Variants in ZNF418 observed in about 807,000 individuals in gnomAD.
The protein encoded by ZNF418 is zinc finger protein 418.
ZNF418 carries 32 observed loss-of-function variants against 32.0 expected under a neutral mutation model. That is an observed-to-expected ratio of 1.00 (90% CI 0.75 to 1.34). The LOEUF (loss-of-function observed/expected upper bound fraction) is 1.34. Ranked by LOEUF, ZNF418 falls within the 40% of genes most tolerant of loss-of-function variation. ZNF418 has a pLI of 0.00. For synonymous variants in ZNF418, 276 were observed against 270.7 expected, an observed-to-expected ratio of 1.02 and a Z score of -0.19; for missense variants, 804 against 812.5, an observed-to-expected ratio of 0.99 and a Z score of 0.13.
At chr19:57,928,909 G>C (rs1376087831) in intron 3 of ZNF418, among the ~76,000 whole-genome samples, 1 of 152,118 alleles carries the variant, frequency 6.6e-6, no homozygotes. Flanking sequence ...CAGGAGAATG[G>C]CGTGAACCCA....
intron 2 of ZNF418, chr19:57,932,285 T>C: frequency 1.4e-6 from 1 of 709,220 alleles, no homozygotes; most frequent in South Asian, 1.7e-5. Flanking sequence ...GAAGGGGATT[T>C]GTGCTCAGGC....
At chr19:57,923,511 CAT>C (rs558692873) in intron 4 of ZNF418, among the ~76,000 whole-genome samples, 17 of 139,246 alleles carry the variant, frequency 1.2e-4, no homozygotes, top group African/African-American at 4.0e-4. Context: ...TATACACACA[CAT>C]ATATACATAT....
chr19:57,929,686 CTTT>C (rs71940099), intron 3 of ZNF418, among the ~76,000 whole-genome samples: 2 of 145,408 alleles, frequency 1.4e-5, no homozygotes, highest in Non-Finnish European at 3.0e-5. Context: ...AACAGAATTT[CTTT>C]TTTTTTTTTT....
rs775109234 is a variant in ZNF418, at chr19:57,927,885, T to A, written c.296A>T (p.Asp99Val). The A allele has an allele frequency of 1.2e-6, 2 of 1,614,020 alleles. No individual in the cohort carries two copies. Among genetic ancestry groups the A allele is most frequent in the Non-Finnish European group, 1.7e-6 (2 of 1,180,032 alleles). Reference protein sequence around the residue: ...AILGDILHLADHQGTHHKQKL... With the variant: ...AILGDILHLAVHQGTHHKQKL... Reference sequence around the variant, plus strand: ...CTGCTTGTGATGTGTCCCCTGATGATCTGCCAAGTGCAAAATGTCTCCCAA... The same window carrying A: ...CTGCTTGTGATGTGTCCCCTGATGAACTGCCAAGTGCAAAATGTCTCCCAA... Residue 99 changes from aspartate (D) to valine (V), a missense_variant, in exon 4 of 6, where the codon GAT becomes GTT. Physicochemically the swap from Asp to Val is radical, Grantham distance 152. This residue lies in a region of ZNF418 where 307 missense variants were observed against 304.9 expected (regional missense o/e 1.01). Coordinates refer to ENST00000396147, the MANE Select transcript of ZNF418 (RefSeq NM_133460.3).
At chr19:57,928,702 G>A (rs889497330) in intron 3 of ZNF418, among the ~76,000 whole-genome samples, 3 of 151,736 alleles carry the variant, frequency 2.0e-5, no homozygotes, top group African/African-American at 7.3e-5. Context: ...TTAACAATTT[G>A]CACACACTTG....
chr19:57,934,167 G>A (rs759778663), intron 1 of ZNF418: 3 of 1,224,498 alleles, frequency 2.4e-6, no homozygotes, highest in African/African-American at 1.5e-5. Context: ...TCACAAGCTA[G>A]AGAACATGTG....
chr19:57,923,576 A>G (rs1461163402), intron 4 of ZNF418, among the ~76,000 whole-genome samples: 1 of 150,884 alleles, frequency 6.6e-6, no homozygotes, highest in African/African-American at 2.4e-5. Flanking sequence ...ATATATACAC[A>G]TATATATATA....
At chr19:57,923,668 G>A (rs182518600) in intron 4 of ZNF418, among the ~76,000 whole-genome samples, 14 of 151,794 alleles carry the variant, frequency 9.2e-5, no homozygotes, top group African/African-American at 2.7e-4. Context: ...TCCACCTCCC[G>A]GGTTCACTCC....
Position 57,926,598 on chromosome 19 carries a change from T to A in ZNF418, c.1583A>T (p.His528Leu). The A allele has an allele frequency of 6.2e-7, 1 of 1,614,166 alleles. No homozygotes were observed. Among genetic ancestry groups the A allele is most frequent in the East Asian group, 2.2e-5 (1 of 44,880 alleles). ...SFPQSCSLLR[H>L]RRVHTGERPY... ...CCTTTCTCCAGTATGAACTCTCCGA[T>A]GTCGAAGGAGGGAACAGCTTTGAGG... Residue 528 changes from histidine to leucine, a missense_variant, in exon 4 of 6, where the codon CAT (histidine) becomes CTT (leucine). Transcript: ENST00000396147.
Position 57,927,192 on chromosome 19 carries a change from A to T in ZNF418, c.989T>A (p.Ile330Asn). The change falls in exon 4 of 6, where the codon ATT becomes AAT. Residue 330 changes from isoleucine to asparagine, a missense_variant. This residue lies in a region of ZNF418 where 475 missense variants were observed against 458.6 expected (regional missense o/e 1.04). Coordinates refer to ENST00000396147, the MANE Select transcript of ZNF418 (RefSeq NM_133460.3). ...TCCAGTGTGAACTCGTTGATGTTTAATGAGAGTACCATTTTGACTAAAAGA... is the reference window on the plus strand; with the variant it reads ...TCCAGTGTGAACTCGTTGATGTTTATTGAGAGTACCATTTTGACTAAAAGA... The part of the protein sequence containing the change: ...GKSFSQNGTL[I>N]KHQRVHTGER... 1 of 1,613,204 alleles carries T rather than the reference A, an allele frequency of 6.2e-7. No homozygotes were observed. The highest frequency in any genetic ancestry group is 1.1e-5 in the South Asian group (1 of 91,014).
At chr19:57,932,447 T>C in intron 2 of ZNF418, 1 of 1,535,420 alleles carries the variant, frequency 6.5e-7, no homozygotes, top group Non-Finnish European at 8.7e-7. Flanking sequence ...TTCTCATGGC[T>C]CCCAATAGCA....
intron 3 of ZNF418, among the ~76,000 whole-genome samples, chr19:57,930,209 C>T (rs146353139): frequency 4.4e-4 from 67 of 152,274 alleles, no homozygotes; most frequent in African/African-American, 1.5e-3. Context: ...GACTCTAACT[C>T]CTTCCCTGAG....
At chr19:57,928,638 A>G (rs2072349572) in intron 3 of ZNF418, among the ~76,000 whole-genome samples, 1 of 152,132 alleles carries the variant, frequency 6.6e-6, no homozygotes, top group African/African-American at 2.4e-5. Context: ...ATAGAAGGCT[A>G]TGTCCAGGCC....
chr19:57,923,509 C>CATATAT (rs1568536356), intron 4 of ZNF418, among the ~76,000 whole-genome samples: 3 of 149,006 alleles, frequency 2.0e-5, no homozygotes, highest in East Asian at 1.9e-4. Context: ...TATATACACA[C>CATATAT]ACATATATAC....
Position 57,930,405 on chromosome 19 carries a change from A to T in ZNF418, c.133+23T>A, listed in dbSNP as rs111496336. The T allele has an allele frequency of 2.2e-3, 3,529 of 1,613,942 alleles. 72 individuals carry two copies. The African/African-American group carries it at 0.041, about 19-fold the overall frequency. ...AAGGGCAGAGATCTATTCAGGAAAT[A>T]GGGTAGGGTGTGAGGAACTTACCCA... On this transcript the variant is annotated intron_variant, in intron 3 of 5. Coordinates refer to ENST00000396147, the MANE Select transcript of ZNF418 (RefSeq NM_133460.3).
intron 3 of ZNF418, among the ~76,000 whole-genome samples, chr19:57,929,279 A>T (rs2072383303): frequency 6.6e-6 from 1 of 152,210 alleles, no homozygotes; most frequent in Non-Finnish European, 1.5e-5. Context: ...TTCTGATACG[A>T]TTTGAAGAAA....
At chr19:57,933,743 T>C in intron 2 of ZNF418, 74 bp downstream of exon 2, 1 of 1,588,398 alleles carries the variant, frequency 6.3e-7, no homozygotes, top group South Asian at 1.1e-5. Context: ...AAAATCTAGT[T>C]GCCATTTTAC....
rs2072018487 is a variant in ZNF418 at position 57,922,078 on chromosome 19, C to T, written c.*1177G>A. The T allele has an allele frequency of 6.6e-6, 1 of 152,430 alleles. No homozygotes were observed. Among genetic ancestry groups the T allele is most frequent in the African/African-American group, 2.4e-5 (1 of 41,450 alleles). 9.4% of individuals were successfully genotyped at this position (152,430 alleles called of 1,614,324 possible). Reference sequence around the variant, plus strand: ...GGGGTTCAGAAACCTCCAGGTTGGCCACTCCTGGATTTCTTCGTTTGGAAC... The same window carrying T: ...GGGGTTCAGAAACCTCCAGGTTGGCTACTCCTGGATTTCTTCGTTTGGAAC... On this transcript the variant is annotated 3_prime_UTR_variant, in exon 6 of 6. Coordinates refer to ENST00000396147, the MANE Select transcript of ZNF418 (RefSeq NM_133460.3).
At chr19:57,928,717 G>C (rs2072352784) in intron 3 of ZNF418, among the ~76,000 whole-genome samples, 1 of 152,094 alleles carries the variant, frequency 6.6e-6, no homozygotes, top group Non-Finnish European at 1.5e-5. Flanking sequence ...CACTTGGCCG[G>C]GTGCGGTGGC....
Sources: gnomAD v4.1 joint callset for allele counts (sites outside exome capture counted in the v4.1 genomes callset) on GRCh38, gnomAD v4.1.1 for gene constraint, gnomAD v4.1.1 regional missense constraint, MANE v1.5 for transcripts, NCBI Gene and HGNC (gene_info 2026-07-23, HGNC 2026-07-21) for gene names.